The following NCK2 variants were observed in gnomAD, a reference collection of about 807,000 sequenced individuals.
The protein encoded by NCK2 is cytoplasmic protein NCK2.
A neutral mutation model predicts 33.9 loss-of-function variants in NCK2; 16 were observed. The observed-to-expected ratio is 0.47, with a 90% confidence interval of 0.32 to 0.72. The LOEUF is 0.72. NCK2 is among the 30% of genes least tolerant of loss of function. The pLI is 0.03. For missense variants in NCK2, 418 were observed against 537.3 expected (o/e 0.78, Z 2.19); for synonymous variants, 273 against 239.9 (o/e 1.14, Z -1.27).
At chr2:105,892,882 C>A in intron 4 of NCK2, 100 bp from the exon 5 acceptor site, 3 of 916,028 alleles carry the variant, frequency 3.3e-6, no homozygotes, top group Non-Finnish European at 4.9e-6. Flanking sequence ...AGTGTTTGAG[C>A]AATGGGTGGT....
intron 3 of NCK2, chr2:105,857,099 A>AG (rs1417142429): frequency 1.3e-5 from 2 of 151,562 alleles, no homozygotes; most frequent in African/African-American, 4.9e-5. Context: ...ACTTGTAGGA[A>AG]GTAGAACAAG....
At chr2:105,775,619 C>G (rs974889203) in intron 1 of NCK2, among the ~76,000 whole-genome samples, 2 of 152,102 alleles carry the variant, frequency 1.3e-5, no homozygotes, top group Non-Finnish European at 2.9e-5. Flanking sequence ...GACAAAGGAG[C>G]TGTTTGTTTC....
At chr2:105,780,325 TACACACACACACACACACACACACAC>T (rs57857814) in intron 1 of NCK2, among the ~76,000 whole-genome samples, 28 of 147,474 alleles carry the variant, frequency 1.9e-4, no homozygotes. Flanking sequence ...GAGAGATATA[TACACACACACACACACACACACACAC>T]ACACACACAC....
intron 1 of NCK2, among the ~76,000 whole-genome samples, chr2:105,747,495 G>A (rs938876820): frequency 6.6e-6 from 1 of 152,150 alleles, no homozygotes; most frequent in South Asian, 2.1e-4. Context: ...CTGGCTTGCC[G>A]TGTGCACTGG....
In NCK2 at chr2:105,873,845, A is replaced by G. The variant is rs538842835; in HGVS notation, c.227-7483A>G. 2.6e-5 allele frequency among the ~76,000 whole-genome samples: 4 copies of G among 152,246 alleles called. 1 individual carries two copies. The highest frequency in any genetic ancestry group is 4.1e-4 in the South Asian group (2 of 4,820). On this transcript the variant is annotated intron_variant, in intron 3 of 4. Coordinates refer to ENST00000233154, the MANE Select transcript of NCK2 (RefSeq NM_003581.5). ...CTCACCTCTGCCCTTCACTCCTTAC[A>G]TGAACCTCTGCAGCGTGGGCAGATG...
intron 2 of NCK2, among the ~76,000 whole-genome samples, chr2:105,845,675 T>G (rs1294915375): frequency 6.6e-6 from 1 of 152,106 alleles, no homozygotes; most frequent in Non-Finnish European, 1.5e-5. Flanking sequence ...ATTACAGATG[T>G]GAGCCACCAC....
At chr2:105,786,523 G>A (rs569078439) in intron 1 of NCK2, among the ~76,000 whole-genome samples, 6 of 152,310 alleles carry the variant, frequency 3.9e-5, no homozygotes, top group South Asian at 2.1e-4. Context: ...ATGCTGAGTC[G>A]GTTCCTTTAG....
chr2:105,866,041 A>G (rs1010613393), intron 3 of NCK2, among the ~76,000 whole-genome samples: 3 of 152,170 alleles, frequency 2.0e-5, no homozygotes, highest in African/African-American at 7.2e-5. Context: ...CAGCTTCCCA[A>G]GTAGCTGGGA....
intron 2 of NCK2, among the ~76,000 whole-genome samples, chr2:105,838,126 G>C (rs1676500906): frequency 6.6e-6 from 1 of 151,106 alleles, no homozygotes; most frequent in Non-Finnish European, 1.5e-5. Context: ...ACCAGCAATA[G>C]ATAACCACTA....
Position 105,881,653 on chromosome 2 carries a change from G to A in NCK2, c.552G>A (p.Lys184=). 1 of 1,613,294 alleles carries A rather than the reference G, an allele frequency of 6.2e-7. No homozygotes were observed. Among genetic ancestry groups the A allele is most frequent in the Non-Finnish European group, 8.5e-7 (1 of 1,179,482 alleles). ...CCCCAAGCTTCCTGAGCCTGCGCAA[G>A]GGCGCCTCGCTGAGCAATGGCCAGG... is the stretch of plus-strand genomic sequence containing the variant. The part of the protein sequence containing the change: ...AESPSFLSLR[K]GASLSNGQGS... The change falls in exon 4 of 5, where the codon AAG becomes AAA. Residue 184 remains lysine (K), a synonymous_variant. Transcript: ENST00000233154.
chr2:105,789,203 T>G (rs1690789222), intron 1 of NCK2, among the ~76,000 whole-genome samples: 2 of 152,168 alleles, frequency 1.3e-5, no homozygotes, highest in Non-Finnish European at 2.9e-5. Context: ...TTTTCTTTTT[T>G]TGGAGACAGA....
chr2:105,768,259 C>T (rs1338015425), intron 1 of NCK2, among the ~76,000 whole-genome samples: 4 of 152,258 alleles, frequency 2.6e-5, no homozygotes, highest in African/African-American at 4.8e-5. Context: ...ACTCACCACC[C>T]CTTGAGTGCT....
intron 1 of NCK2, among the ~76,000 whole-genome samples, chr2:105,800,362 G>A (rs536254253): frequency 2.6e-5 from 4 of 152,294 alleles, no homozygotes; most frequent in South Asian, 4.1e-4. Flanking sequence ...TGCATAAAGA[G>A]GGCCTAGTCT....
At chr2:105,820,332 T>C (rs1206474620) in intron 2 of NCK2, among the ~76,000 whole-genome samples, 2 of 152,036 alleles carry the variant, frequency 1.3e-5, no homozygotes. Flanking sequence ...CAGAAAGAAG[T>C]GAAATAAATG....
At chr2:105,846,429 G>A (rs775534825) in intron 2 of NCK2, 25 of 151,754 alleles carry the variant, frequency 1.6e-4, no homozygotes, top group Admixed American at 2.6e-4. Context: ...AATTTTGAGG[G>A]GTAACCTGAT....
intron 1 of NCK2, among the ~76,000 whole-genome samples, chr2:105,753,580 G>C (rs1485157208): frequency 2.6e-5 from 4 of 152,292 alleles, no homozygotes; most frequent in African/African-American, 9.6e-5. Context: ...GTAGCTGTGT[G>C]GTGGGTCCCC....
In NCK2 at chr2:105,881,377, G is replaced by A; in HGVS notation, c.276G>A (p.Thr92=). ...CCAGCGCGCGGGATGCGTCCCCCAC[G>A]CCCAGCACGGACGCCGAGTACCCCG... ...RKTSARDASP[T]PSTDAEYPAN... The change falls in exon 4 of 5, where the codon ACG becomes ACA. Residue 92 remains threonine, a synonymous_variant. Transcript: ENST00000233154. 8 of 1,609,876 alleles carry A rather than the reference G, an allele frequency of 5.0e-6. No individual in the cohort carries two copies. Among genetic ancestry groups the A allele is most frequent in the Non-Finnish European group, 5.9e-6 (7 of 1,179,734 alleles).
intron 1 of NCK2, among the ~76,000 whole-genome samples, chr2:105,763,166 C>T (rs560492718): frequency 1.3e-5 from 2 of 152,174 alleles, no homozygotes; most frequent in African/African-American, 4.8e-5. Flanking sequence ...CCACCGCACT[C>T]CAGCCTGGGC....
chr2:105,750,155 C>T (rs971990659), intron 1 of NCK2, among the ~76,000 whole-genome samples: 5 of 151,976 alleles, frequency 3.3e-5, no homozygotes, highest in African/African-American at 4.8e-5. Flanking sequence ...ACCCCGGGGC[C>T]GGCAGGGCTG....
Sources: gnomAD v4.1 joint callset for allele counts (sites outside exome capture counted in the v4.1 genomes callset) on GRCh38, gnomAD v4.1.1 for gene constraint, MANE v1.5 for transcripts, NCBI Gene and HGNC (gene_info 2026-07-23, HGNC 2026-07-21) for gene names.